UNC5C: variants seen among roughly 807,000 people sequenced by gnomAD.
UNC5C encodes the protein unc-5 netrin receptor C.
A neutral mutation model predicts 99.8 loss-of-function variants in UNC5C; 47 were observed. The observed-to-expected ratio is 0.47, with a 90% confidence interval of 0.37 to 0.60. The LOEUF is 0.60. Among genes scored for constraint, UNC5C ranks in the 20% least tolerant of loss-of-function variants. The pLI, the probability that UNC5C is intolerant of heterozygous loss-of-function variation, is 0.00. For synonymous variants in UNC5C, 487 were observed against 452.2 expected (o/e 1.08, Z -0.98); for missense variants, 1,062 against 1,165.9 (o/e 0.91, Z 1.30).
chr4:95,458,572 A>G (rs901766684), intron 1 of UNC5C, among the ~76,000 whole-genome samples: 1 of 152,104 alleles, frequency 6.6e-6, no homozygotes, highest in African/African-American at 2.4e-5. Context: ...AGCTAATTGA[A>G]GAATGGAAAA....
intron 1 of UNC5C, among the ~76,000 whole-genome samples, chr4:95,338,758 T>C (rs1344665262): frequency 1.3e-5 from 2 of 152,084 alleles, no homozygotes. Context: ...ACTTTGATCA[T>C]TCCTAAGAGA....
At position 95,470,332 on chromosome 4, in the gene UNC5C, C is replaced by T. The variant is rs115620848; in HGVS notation, c.124+78402G>A. 8.0e-3 allele frequency among the ~76,000 whole-genome samples: 1,222 copies of T among 152,144 alleles called. 13 individuals carry two copies. The highest frequency in any genetic ancestry group is 0.028 in the African/African-American group (1,153 of 41,524). On this transcript the variant is annotated intron_variant, in intron 1 of 15. Transcript: ENST00000453304. ...TATAAGTTAACCCACTTAGTTCAAA[C>T]GCATGTTGTTCAAGGGTCAAATGTA...
At chr4:95,303,592 C>T (rs1741954033) in intron 2 of UNC5C, among the ~76,000 whole-genome samples, 1 of 152,188 alleles carries the variant, frequency 6.6e-6, no homozygotes, top group African/African-American at 2.4e-5. Context: ...AGGAGAATTG[C>T]TTGAACCTTG....
intron 1 of UNC5C, among the ~76,000 whole-genome samples, chr4:95,494,194 A>G (rs1721574615): frequency 6.6e-6 from 1 of 151,540 alleles, no homozygotes; most frequent in South Asian, 2.1e-4. Context: ...AGGCTTGAAG[A>G]GTGGTGCTAT....
chr4:95,341,226 C>T (rs1387166375), intron 1 of UNC5C, among the ~76,000 whole-genome samples: 1 of 152,038 alleles, frequency 6.6e-6, no homozygotes, highest in Non-Finnish European at 1.5e-5. Context: ...CTAAAGAATA[C>T]ATGATATATT....
chr4:95,397,214 T>C (rs1290645343), intron 1 of UNC5C, among the ~76,000 whole-genome samples: 1 of 152,162 alleles, frequency 6.6e-6, no homozygotes, highest in Non-Finnish European at 1.5e-5. Context: ...AAAATGTAAG[T>C]GCTTTACACA....
At chr4:95,237,343 C>T (rs1160718348) in intron 7 of UNC5C, among the ~76,000 whole-genome samples, 1 of 152,054 alleles carries the variant, frequency 6.6e-6, no homozygotes, top group Admixed American at 6.6e-5. Context: ...AATTGCTTCC[C>T]CATAAAAATT....
At chr4:95,420,971 A>G (rs1746302255) in intron 1 of UNC5C, among the ~76,000 whole-genome samples, 2 of 152,220 alleles carry the variant, frequency 1.3e-5, no homozygotes, top group Non-Finnish European at 2.9e-5. Context: ...GCTACCTATT[A>G]GAATTTAAAA....
At chr4:95,181,688 G>T (rs1404069909) in intron 14 of UNC5C, among the ~76,000 whole-genome samples, 1 of 152,110 alleles carries the variant, frequency 6.6e-6, no homozygotes, top group African/African-American at 2.4e-5. Flanking sequence ...GTCACCGGGG[G>T]CTGTGACTAA....
intron 1 of UNC5C, among the ~76,000 whole-genome samples, chr4:95,528,919 A>G (rs73842323): frequency 0.022 from 3,403 of 152,286 alleles, 136 homozygotes; most frequent in African/African-American, 0.077. Context: ...AAAGGCAATG[A>G]AAGTTGTTAC....
intron 1 of UNC5C, among the ~76,000 whole-genome samples, chr4:95,361,371 C>G (rs558148136): frequency 6.6e-6 from 1 of 152,284 alleles, no homozygotes; most frequent in South Asian, 2.1e-4. Flanking sequence ...ATGCGTTCAA[C>G]TCAAGTTCTT....
chr4:95,474,382 C>T (rs1401829200), intron 1 of UNC5C, among the ~76,000 whole-genome samples: 1 of 152,100 alleles, frequency 6.6e-6, no homozygotes, highest in Non-Finnish European at 1.5e-5. Context: ...CCTCCACCTC[C>T]TGGGTTCAAG....
intron 3 of UNC5C, among the ~76,000 whole-genome samples, chr4:95,294,486 C>T (rs376395142): frequency 8.3e-4 from 127 of 152,248 alleles, no homozygotes; most frequent in Non-Finnish European, 1.4e-3. Flanking sequence ...AGAGGAAATC[C>T]GGAGGAGCCA....
intron 2 of UNC5C, among the ~76,000 whole-genome samples, chr4:95,316,569 T>C (rs888411433): frequency 1.3e-5 from 2 of 152,180 alleles, no homozygotes; most frequent in African/African-American, 4.8e-5. Context: ...TATGTTCACC[T>C]TGAAAAATAC....
chr4:95,461,877 A>C (rs1340714190), intron 1 of UNC5C, among the ~76,000 whole-genome samples: 1 of 152,188 alleles, frequency 6.6e-6, no homozygotes, highest in African/African-American at 2.4e-5. Context: ...ATATTCTTTC[A>C]TATGTGGAAA....
chr4:95,256,337 A>C (rs1474439499), intron 4 of UNC5C, among the ~76,000 whole-genome samples: 1 of 152,024 alleles, frequency 6.6e-6, no homozygotes. Context: ...CGCCTTTCCA[A>C]ACCTGCTCCT....
intron 1 of UNC5C, among the ~76,000 whole-genome samples, chr4:95,532,908 TAA>T (rs201644746): frequency 7.3e-5 from 10 of 136,788 alleles, no homozygotes; most frequent in Non-Finnish European, 4.7e-5. Context: ...TTAGTAAAGC[TAA>T]AAAAAAAAAA....
At chr4:95,203,158 A>G (rs2149360825) in intron 11 of UNC5C, among the ~76,000 whole-genome samples, 194 bp from the exon 12 acceptor site, 1 of 152,228 alleles carries the variant, frequency 6.6e-6, no homozygotes, top group East Asian at 1.9e-4. Context: ...GAGAATATTT[A>G]TTTAGATGTC....
chr4:95,356,894 G>A lies in UNC5C; in HGVS notation c.125-21263C>T, dbSNP rs565453582. On this transcript the variant is annotated intron_variant, in intron 1 of 15. Coordinates refer to ENST00000453304, the MANE Select transcript of UNC5C (RefSeq NM_003728.4). ...ATTTTAGAGTTGGTAAAACTGTCTCGTTTTATATAAGAGGAAACTGGGCGC... is the reference window on the plus strand; with the variant it reads ...ATTTTAGAGTTGGTAAAACTGTCTCATTTTATATAAGAGGAAACTGGGCGC... Among the ~76,000 whole-genome samples the A allele has an allele frequency of 4.6e-5, 7 of 152,176 alleles. No homozygotes were observed. The East Asian group carries it at 7.7e-4, about 17-fold the overall frequency.
Sources: gnomAD v4.1 joint callset for allele counts (sites outside exome capture counted in the v4.1 genomes callset) on GRCh38, gnomAD v4.1.1 for gene constraint, MANE v1.5 for transcripts, NCBI Gene and HGNC (gene_info 2026-07-23, HGNC 2026-07-21) for gene names.